TRIOBP: variants seen among roughly 807,000 people sequenced by gnomAD.
TRIOBP encodes the protein TRIO and F-actin binding protein.
TRIOBP carries 169 observed loss-of-function variants against 238.8 expected under a neutral mutation model. The observed-to-expected ratio is 0.71, with a 90% CI of 0.62 to 0.80. TRIOBP has a LOEUF of 0.80. Among genes scored for constraint, TRIOBP ranks in the 30% least tolerant of loss-of-function variants. The pLI, the probability that TRIOBP is intolerant of heterozygous loss-of-function variation, is 0.00. For missense variants in TRIOBP, 2,838 were observed against 3,122.6 expected (o/e 0.91, Z 2.17); for synonymous variants, 1,150 against 1,274.4 (o/e 0.90, Z 2.08).
chr22:37,735,258 GACACAGCCCCGC>G lies in TRIOBP; in HGVS notation c.4925_4936del (p.His1642_Ala1645del). The G allele has an allele frequency of 6.2e-7, 1 of 1,604,338 alleles. No individual in the cohort carries two copies. Among genetic ancestry groups the G allele is most frequent in the Non-Finnish European group, 8.5e-7 (1 of 1,172,552 alleles). ...TGGGCCGAGGCCACCCCAGTCAATGGACACAGCCCCGCACTGCAGTCCCAGAGCCCGGTCCAG... is the reference window on the plus strand; with the variant it reads ...TGGGCCGAGGCCACCCCAGTCAATGGACTGCAGTCCCAGAGCCCGGTCCAG... On this transcript the variant is annotated inframe_deletion, in exon 9 of 24. Coordinates refer to ENST00000644935, the MANE Select transcript of TRIOBP (RefSeq NM_001039141.3).
At chr22:37,733,181 G>T in intron 7 of TRIOBP, 117 bp from the exon 8 acceptor site, 2 of 794,818 alleles carry the variant, frequency 2.5e-6, no homozygotes, top group South Asian at 1.5e-5. Flanking sequence ...GCCCTTCAAC[G>T]AGCTTGCAGT....
chr22:37,723,287 C>T lies in TRIOBP; in HGVS notation c.731C>T (p.Ser244Phe), dbSNP rs570459661. The T allele has an allele frequency of 3.7e-5, 60 of 1,614,126 alleles. No individual in the cohort carries two copies. The highest frequency in any genetic ancestry group is 8.3e-5 in the Admixed American group (5 of 60,012). The change falls in exon 7 of 24, where the codon TCC (serine) becomes TTC (phenylalanine). Residue 244 changes from serine to phenylalanine, a missense_variant. By Grantham distance (155) the Ser-to-Phe change is radical. Around this residue, in one of 5 missense-constraint regions of TRIOBP, gnomAD observed 535 missense variants for 537.3 expected, o/e 1.00. Transcript: ENST00000644935. The part of the protein sequence containing the change: ...ERHRSTLTQA[S>F]SMTPHSGPRS... Reference sequence around the variant, plus strand: ...CACCGGTCAACACTGACCCAGGCTTCCTCCATGACACCACACAGTGGACCT... The same window carrying T: ...CACCGGTCAACACTGACCCAGGCTTTCTCCATGACACCACACAGTGGACCT...
intron 17 of TRIOBP, among the ~76,000 whole-genome samples, chr22:37,762,310 C>T (rs1010680133): frequency 3.9e-5 from 6 of 152,226 alleles, no homozygotes; most frequent in Non-Finnish European, 5.9e-5. Flanking sequence ...AAGTGCTTCT[C>T]TCATGTTGGC....
chr22:37,706,762 AC>A (rs1039379320), intron 3 of TRIOBP, among the ~76,000 whole-genome samples: 1 of 106,796 alleles, frequency 9.4e-6, no homozygotes, highest in African/African-American at 4.2e-5. Flanking sequence ...CCACAGCAAG[AC>A]TATCTTAAAA....
At chr22:37,755,235 T>C in intron 14 of TRIOBP, 45 bp downstream of exon 14, 2 of 1,574,362 alleles carry the variant, frequency 1.3e-6, no homozygotes, top group South Asian at 1.1e-5. Context: ...GCAGCATGGC[T>C]GGAGGTCCCT....
In TRIOBP at chr22:37,773,985, T is replaced by TACACACACACACACAC. The variant is rs59571998; in HGVS notation, c.*210_*225dup. 3 of 149,212 alleles carry TACACACACACACACAC rather than the reference T, an allele frequency of 2.0e-5. No homozygotes were observed. Among genetic ancestry groups the TACACACACACACACAC allele is most frequent in the East Asian group, 2.0e-4 (1 of 5,060 alleles). The allele number at this position is 149,212 out of a possible 1,614,324, so 9.2% of individuals were successfully genotyped here. ...ACACGTGCACACATGTACACACGGA[T>TACACACACACACACAC]ACACACACACACACACACACTGCAT... On this transcript the variant is annotated 3_prime_UTR_variant, in exon 24 of 24. Coordinates refer to ENST00000644935, the MANE Select transcript of TRIOBP (RefSeq NM_001039141.3).
intron 11 of TRIOBP, chr22:37,746,150 C>T (rs1925236799): frequency 6.8e-6 from 7 of 1,021,976 alleles, no homozygotes; most frequent in African/African-American, 1.7e-5. Context: ...CGCCGCGGCC[C>T]CCGCCGCTGT....
At chr22:37,761,614 C>T (rs1381942190) in intron 17 of TRIOBP, among the ~76,000 whole-genome samples, 2 of 152,008 alleles carry the variant, frequency 1.3e-5, no homozygotes, top group Non-Finnish European at 2.9e-5. Flanking sequence ...GGGTGAATGT[C>T]AAGGGTCTGG....
chr22:37,772,516 C>A lies in TRIOBP; in HGVS notation c.6937-85C>A, dbSNP rs1307980225. The A allele has an allele frequency of 2.5e-6, 4 of 1,594,760 alleles. No homozygotes were observed. In the East Asian group the frequency reaches 6.7e-5, roughly 27 times the overall value. ...TGAAGCGAGGTATCTGCGGGGAGGT[C>A]TGGCTGCTGGTGCTGCCCATGTGCC... On this transcript the variant is annotated intron_variant, in intron 22 of 23. Transcript: ENST00000644935.
chr22:37,726,476 TGGAGCGCCTCTTC>T lies in TRIOBP; in HGVS notation c.3923_3935del (p.Glu1308GlyfsTer44). 6.5e-7 allele frequency: 1 copy of T among 1,541,722 alleles called. No individual in the cohort carries two copies. Among genetic ancestry groups the T allele is most frequent in the Non-Finnish European group, 8.7e-7 (1 of 1,149,610 alleles). On this transcript the variant is annotated frameshift_variant, in exon 7 of 24. Coordinates refer to ENST00000644935, the MANE Select transcript of TRIOBP (RefSeq NM_001039141.3). LOFTEE classifies it high-confidence loss of function. ...ACCCACAGCCCTGGCCGTGCAGAGGTGGAGCGCCTCTTCGGGCAAGAGCGCAGGTGAGCCCGGG... is the reference window on the plus strand; with the variant it reads ...ACCCACAGCCCTGGCCGTGCAGAGGTGGGCAAGAGCGCAGGTGAGCCCGGG...
intron 16 of TRIOBP, 140 bp downstream of exon 16, chr22:37,758,278 A>G: frequency 2.8e-6 from 3 of 1,087,494 alleles, no homozygotes; most frequent in Non-Finnish European, 4.0e-6. Context: ...TGCACCCCAC[A>G]CTCCTGCGAA....
At chr22:37,749,818 G>A (rs1925487652) in intron 11 of TRIOBP, among the ~76,000 whole-genome samples, 1 of 151,404 alleles carries the variant, frequency 6.6e-6, no homozygotes, top group Non-Finnish European at 1.5e-5. Flanking sequence ...AGCTGAGCAT[G>A]GTGGAGTGCT....
In TRIOBP at chr22:37,704,660, A is replaced by G. The variant is rs548158797; in HGVS notation, c.114+3181A>G. Among the ~76,000 whole-genome samples the G allele has an allele frequency of 2.9e-3, 408 of 142,772 alleles. 1 individual carries two copies. Among genetic ancestry groups the G allele is most frequent in the African/African-American group, 0.01 (387 of 37,764 alleles). 93.7% of individuals were successfully genotyped at this position (142,772 alleles called of 152,430 possible). ...ATAGGGCATTAGGGAAAGTTTCTCC[A>G]AAAAAAAAAAAATGACATTTCAGCT... On this transcript the variant is annotated intron_variant, in intron 3 of 23. Coordinates refer to ENST00000644935, the MANE Select transcript of TRIOBP (RefSeq NM_001039141.3).
intron 17 of TRIOBP, 99 bp from the exon 18 acceptor site, chr22:37,765,568 AGGT>A (rs1326660374): frequency 6.8e-7 from 1 of 1,473,392 alleles, no homozygotes; most frequent in Non-Finnish European, 9.2e-7. Flanking sequence ...ACCCAGGAGG[AGGT>A]GGTGTACCTG....
At chr22:37,759,390 G>A (rs1455144075) in intron 17 of TRIOBP, 126 bp downstream of exon 17, 1 of 1,267,864 alleles carries the variant, frequency 7.9e-7, no homozygotes, top group South Asian at 1.2e-5. Context: ...CATTTGACAT[G>A]CGTCATCTCA....
chr22:37,708,557 A>C (rs1923073448), intron 3 of TRIOBP, among the ~76,000 whole-genome samples: 1 of 152,240 alleles, frequency 6.6e-6, no homozygotes, highest in South Asian at 2.1e-4. Flanking sequence ...GTCTCAAAAA[A>C]AAAGCCCTTT....
chr22:37,728,261 CAAAAAA>C (rs67412135), intron 7 of TRIOBP, among the ~76,000 whole-genome samples: 158 of 77,986 alleles, frequency 2.0e-3, no homozygotes, highest in Non-Finnish European at 3.0e-3. Context: ...GACTCCGTCT[CAAAAAA>C]AAAAAAAAAA....
chr22:37,767,962 A>G (rs1601668244), intron 18 of TRIOBP, 112 bp from the exon 19 acceptor site: 1 of 816,570 alleles, frequency 1.2e-6, no homozygotes, highest in East Asian at 2.7e-5. Flanking sequence ...GCATAGTACT[A>G]TGTGGAGTCC....
At chr22:37,751,861 G>A (rs1925625164) in intron 12 of TRIOBP, 33 bp downstream of exon 12, 1 of 1,613,430 alleles carries the variant, frequency 6.2e-7, no homozygotes, top group South Asian at 1.1e-5. Flanking sequence ...GGAGGAAGCT[G>A]GCTTGTGCTG....
Sources: gnomAD v4.1 joint callset for allele counts (sites outside exome capture counted in the v4.1 genomes callset) on GRCh38, gnomAD v4.1.1 for gene constraint, gnomAD v4.1.1 regional missense constraint, MANE v1.5 for transcripts, NCBI Gene and HGNC (gene_info 2026-07-23, HGNC 2026-07-21) for gene names.